CCDC30: variants seen among roughly 807,000 people sequenced by gnomAD.
CCDC30 encodes the protein coiled-coil domain-containing protein 30.
Under a neutral mutation model 100.2 loss-of-function variants are expected in CCDC30, and 70 were observed. The observed-to-expected ratio is 0.70, with a 90% CI of 0.58 to 0.85. The LOEUF is 0.85. Ranked by LOEUF, CCDC30 falls within the 40% of genes least tolerant of loss-of-function variation. CCDC30 has a pLI of 0.00. For synonymous variants in CCDC30, 233 were observed against 269.5 expected, an observed-to-expected ratio of 0.86 and a Z score of 1.33; for missense variants, 652 against 771.2, an observed-to-expected ratio of 0.85 and a Z score of 1.83.
At chr1:42,589,196 A>C (rs1209842604) in intron 9 of CCDC30, 125 bp from the exon 14 acceptor site, 4 of 639,136 alleles carry the variant, frequency 6.3e-6, no homozygotes, top group Non-Finnish European at 1.0e-5. Context: ...CCTTTAGCTT[A>C]TAGACACATA....
intron 6 of CCDC30, among the ~76,000 whole-genome samples, chr1:42,540,763 G>A (rs892259231): frequency 6.6e-6 from 1 of 151,882 alleles, no homozygotes; most frequent in African/African-American, 2.4e-5. Flanking sequence ...TTCCATGTGG[G>A]TTTACTAAAA....
the CCDC30 span, chr1:42,456,706 C>T: frequency 6.8e-6 from 11 of 1,608,328 alleles, no homozygotes; most frequent in African/African-American, 1.2e-4. Flanking sequence ...GCACCAAGGT[C>T]CCACTGGAAG....
intron 12 of CCDC30, among the ~76,000 whole-genome samples, chr1:42,641,624 T>G (rs1213801104): frequency 1.3e-5 from 2 of 151,998 alleles, no homozygotes; most frequent in Non-Finnish European, 1.5e-5. Flanking sequence ...CCCAAACCTT[T>G]GGGAGGCCTA....
intron 6 of CCDC30, among the ~76,000 whole-genome samples, chr1:42,541,754 A>G (rs1400331604): frequency 6.6e-6 from 1 of 152,208 alleles, no homozygotes; most frequent in Non-Finnish European, 1.5e-5. Context: ...TTTTTAAGTT[A>G]TATTCTAGTT....
intron 2 of CCDC30, 149 bp from the exon 3 acceptor site, chr1:42,482,514 C>T (rs1033196698): frequency 2.4e-6 from 1 of 417,248 alleles, no homozygotes; most frequent in Admixed American, 4.5e-5. Context: ...CAGACACACA[C>T]ACATACACAC....
intron 6 of CCDC30, among the ~76,000 whole-genome samples, chr1:42,540,570 C>A (rs1644991816): frequency 6.6e-6 from 1 of 151,932 alleles, no homozygotes; most frequent in Admixed American, 6.6e-5. Flanking sequence ...TATGAAAGTA[C>A]AAAGACTTCC....
At chr1:42,604,085 A>G (rs1173656015) in intron 10 of CCDC30, among the ~76,000 whole-genome samples, 1 of 152,072 alleles carries the variant, frequency 6.6e-6, no homozygotes, top group Non-Finnish European at 1.5e-5. Context: ...TGGGTGGTAC[A>G]TGCCTGTAGT....
chr1:42,642,999 G>A (rs1223263831), intron 13 of CCDC30, among the ~76,000 whole-genome samples: 3 of 152,140 alleles, frequency 2.0e-5, no homozygotes, highest in African/African-American at 7.2e-5. Flanking sequence ...GGATATCAGT[G>A]TATTAATTTT....
At chr1:42,546,101 G>A (rs947376636) in intron 6 of CCDC30, among the ~76,000 whole-genome samples, 2 of 151,514 alleles carry the variant, frequency 1.3e-5, no homozygotes, top group Non-Finnish European at 2.9e-5. Flanking sequence ...TATGCGGCCT[G>A]TTACATATGC....
chr1:42,640,081 T>C (rs1301442620), intron 12 of CCDC30, among the ~76,000 whole-genome samples: 2 of 152,208 alleles, frequency 1.3e-5, no homozygotes, highest in African/African-American at 2.4e-5. Context: ...TGTTAGAGCT[T>C]TTAATGCCAC....
At chr1:42,483,919 G>T (rs1296815940) in intron 3 of CCDC30, among the ~76,000 whole-genome samples, 2 of 151,738 alleles carry the variant, frequency 1.3e-5, no homozygotes, top group Non-Finnish European at 2.9e-5. Context: ...CTGGTTTTGG[G>T]GGGGTACTTT....
intron 6 of CCDC30, chr1:42,534,744 C>T (rs1557832062): frequency 6.6e-6 from 1 of 152,240 alleles, no homozygotes; most frequent in Non-Finnish European, 1.5e-5. Flanking sequence ...AAGCAAATCT[C>T]TTAAGGATCC....
intron 6 of CCDC30, among the ~76,000 whole-genome samples, chr1:42,561,433 C>G (rs1457518837): frequency 6.6e-6 from 1 of 152,036 alleles, no homozygotes; most frequent in East Asian, 1.9e-4. Context: ...TCTAAATAAC[C>G]TAGGTATTGA....
the CCDC30 span, chr1:42,457,320 C>T: frequency 6.2e-7 from 1 of 1,614,184 alleles, no homozygotes; most frequent in South Asian, 1.1e-5. Flanking sequence ...TGCCTGAACA[C>T]AAGATCCAGT....
chr1:42,603,418 G>A (rs921773484), intron 10 of CCDC30, among the ~76,000 whole-genome samples: 27 of 152,256 alleles, frequency 1.8e-4, no homozygotes, highest in Admixed American at 1.6e-3. Context: ...TAGGAATTTT[G>A]GAGGGAACAC....
intron 3 of CCDC30, among the ~76,000 whole-genome samples, chr1:42,484,730 A>G (rs562473755): frequency 1.6e-4 from 24 of 152,336 alleles, no homozygotes; most frequent in African/African-American, 5.8e-4. Flanking sequence ...CAAACTCTTT[A>G]AAATAAATCC....
chr1:42,647,564 A>G (rs1235044195), intron 15 of CCDC30, among the ~76,000 whole-genome samples: 2 of 152,198 alleles, frequency 1.3e-5, no homozygotes, highest in Non-Finnish European at 2.9e-5. Flanking sequence ...GAGTTAAACT[A>G]CACACTAGAC....
At chr1:42,566,406 T>C (rs1355717057) in exon 7 of CCDC30, 4 of 1,614,028 alleles carry the variant, frequency 2.5e-6, no homozygotes, top group Admixed American at 1.7e-5. Flanking sequence ...AAAATGAGCT[T>C]CGATATGAAC....
rs924442408 is a variant in CCDC30, at chr1:42,634,419, C to T, written c.1278-2818C>T. 7.9e-5 allele frequency among the ~76,000 whole-genome samples: 12 copies of T among 152,068 alleles called. No homozygotes were observed. The East Asian group carries it at 2.3e-3, about 29-fold the overall frequency. ...AAGCATTCTACAGTGCACATTATAG[C>T]CTTCCACAGCAAATATTTATCAGGC... On this transcript the variant is annotated intron_variant, in intron 11 of 16. Transcript: ENST00000668663.
Sources: gnomAD v4.1 joint callset for allele counts (sites outside exome capture counted in the v4.1 genomes callset) on GRCh38, gnomAD v4.1.1 for gene constraint, MANE v1.5 for transcripts, NCBI Gene and HGNC (gene_info 2026-07-23, HGNC 2026-07-21) for gene names.